SMARCC1: variants seen among roughly 807,000 people sequenced by gnomAD.
The protein encoded by SMARCC1 is SWI/SNF complex subunit SMARCC1.
Under a neutral mutation model 147.4 loss-of-function variants are expected in SMARCC1, and 43 were observed. The observed-to-expected ratio is 0.29, with a 90% CI of 0.23 to 0.38. The LOEUF (loss-of-function observed/expected upper bound fraction) is 0.38. SMARCC1 is among the 10% of genes least tolerant of loss of function. SMARCC1 has a pLI of 1.00. For missense variants in SMARCC1, 1,119 were observed against 1,381.1 expected, an observed-to-expected ratio of 0.81 and a Z score of 3.01; for synonymous variants, 495 against 484.4, an observed-to-expected ratio of 1.02 and a Z score of -0.29.
At chr3:47,616,434 A>T (rs1434354311) in intron 25 of SMARCC1, among the ~76,000 whole-genome samples, 2 of 151,818 alleles carry the variant, frequency 1.3e-5, no homozygotes, top group Non-Finnish European at 2.9e-5. Context: ...AGTTCATGAT[A>T]CCCATAACAA....
rs2032544807 is a variant in SMARCC1 at position 47,610,268 on chromosome 3, C to T, written c.2841G>A (p.Leu947=). 3 of 1,614,108 alleles carry T rather than the reference C, an allele frequency of 1.9e-6. No individual in the cohort carries two copies. Among genetic ancestry groups the T allele is most frequent in the Non-Finnish European group, 2.5e-6 (3 of 1,180,052 alleles). The change falls in exon 26 of 28, where the codon CTG becomes CTA. Residue 947 remains leucine, a synonymous_variant. Transcript: ENST00000254480. ...TERQNFHMEQ[L]KYAELRARQQ... ...GTCGTGCTCGTAATTCAGCATACTT[C>T]AGCTGTTCCATGTGGAAGTTTTGGC...
intron 3 of SMARCC1, among the ~76,000 whole-genome samples, chr3:47,741,164 C>G (rs2034505206): frequency 6.6e-6 from 1 of 151,836 alleles, no homozygotes; most frequent in South Asian, 2.1e-4. Flanking sequence ...ATGGACAATC[C>G]TACGAGACAA....
chr3:47,671,196 A>ACAAAAAAAAC (rs1553681998), intron 18 of SMARCC1, among the ~76,000 whole-genome samples: 1 of 81,144 alleles, frequency 1.2e-5, no homozygotes, highest in East Asian at 4.8e-4. Context: ...AAAAAAAAAA[A>ACAAAAAAAAC]AACACACACA....
intron 2 of SMARCC1, among the ~76,000 whole-genome samples, chr3:47,747,538 G>A (rs1358738376): frequency 7.1e-6 from 1 of 140,400 alleles, no homozygotes; most frequent in African/African-American, 2.6e-5. Flanking sequence ...TCAGGAGGCT[G>A]AGGTAGGAGG....
intron 10 of SMARCC1, among the ~76,000 whole-genome samples, chr3:47,702,949 G>A (rs566563909): frequency 6.6e-6 from 1 of 152,118 alleles, no homozygotes; most frequent in South Asian, 2.1e-4. Context: ...GGGGGTAGGA[G>A]ACAGTCTTGC....
At chr3:47,763,476 T>C (rs1433874201) in intron 2 of SMARCC1, among the ~76,000 whole-genome samples, 4 of 151,832 alleles carry the variant, frequency 2.6e-5, no homozygotes, top group African/African-American at 9.7e-5. Flanking sequence ...TTAAAATACG[T>C]CAGTATTACA....
At chr3:47,606,749 A>C (rs1289675649) in intron 26 of SMARCC1, among the ~76,000 whole-genome samples, 1 of 151,870 alleles carries the variant, frequency 6.6e-6, no homozygotes, top group Non-Finnish European at 1.5e-5. Flanking sequence ...CCCAGGCTGG[A>C]GTGTAACGGT....
chr3:47,640,270 A>G (rs1228368079), intron 21 of SMARCC1, among the ~76,000 whole-genome samples: 1 of 152,020 alleles, frequency 6.6e-6, no homozygotes, highest in Non-Finnish European at 1.5e-5. Flanking sequence ...AAAATACACT[A>G]GAGATTTAGA....
chr3:47,756,975 G>T (rs941175068), intron 2 of SMARCC1, among the ~76,000 whole-genome samples: 6 of 152,134 alleles, frequency 3.9e-5, no homozygotes, highest in Non-Finnish European at 7.4e-5. Flanking sequence ...ATTCAGCCAG[G>T]TATGGTGACT....
intron 24 of SMARCC1, among the ~76,000 whole-genome samples, chr3:47,624,763 T>C (rs905149774): frequency 6.6e-6 from 1 of 152,006 alleles, no homozygotes; most frequent in African/African-American, 2.4e-5. Context: ...CAAAAATAAA[T>C]TGAGGCTGGG....
Position 47,686,031 on chromosome 3 carries a change from T to G in SMARCC1, c.1385+18A>C. ...TACTGCTCAGTACCATGCTCACAGA[T>G]GGAAGTGGTCCACTCACCAGTTATA... On this transcript the variant is annotated intron_variant, in intron 14 of 27. Coordinates refer to ENST00000254480, the MANE Select transcript of SMARCC1 (RefSeq NM_003074.4). 3 of 1,611,726 alleles carry G rather than the reference T, an allele frequency of 1.9e-6. No individual in the cohort carries two copies. Among genetic ancestry groups the G allele is most frequent in the Non-Finnish European group, 2.5e-6 (3 of 1,178,250 alleles).
At chr3:47,594,217 A>G (rs981861420) in intron 26 of SMARCC1, among the ~76,000 whole-genome samples, 1 of 152,174 alleles carries the variant, frequency 6.6e-6, no homozygotes, top group African/African-American at 2.4e-5. Flanking sequence ...CTACTTTTTA[A>G]AGCAAAGTAC....
chr3:47,762,041 CA>C (rs2034780119), intron 2 of SMARCC1, among the ~76,000 whole-genome samples: 1 of 152,190 alleles, frequency 6.6e-6, no homozygotes, highest in Admixed American at 6.6e-5. Flanking sequence ...CTCAGCCTCC[CA>C]AAGTGCTGGG....
At chr3:47,676,863 A>C in intron 16 of SMARCC1, 81 bp from the exon 17 acceptor site, 1 of 1,252,936 alleles carries the variant, frequency 8.0e-7, no homozygotes, top group South Asian at 1.3e-5. Flanking sequence ...CCATTAAAAA[A>C]CAGAAACAAT....
chr3:47,766,514 C>T (rs912666729), intron 2 of SMARCC1, among the ~76,000 whole-genome samples: 2 of 152,022 alleles, frequency 1.3e-5, no homozygotes, highest in Admixed American at 1.3e-4. Flanking sequence ...GTCGAATATG[C>T]AGTGAGTTGA....
At chr3:47,705,923 G>A (rs1256490664) in intron 10 of SMARCC1, among the ~76,000 whole-genome samples, 3 of 152,002 alleles carry the variant, frequency 2.0e-5, no homozygotes, top group Admixed American at 2.0e-4. Flanking sequence ...AGTAGAAATC[G>A]TAATCCTCAT....
chr3:47,676,391 A>G (rs777694546), intron 17 of SMARCC1, among the ~76,000 whole-genome samples: 7 of 152,290 alleles, frequency 4.6e-5, no homozygotes, highest in Non-Finnish European at 1.0e-4. Flanking sequence ...AAGTAAATTA[A>G]TAATTTGACA....
chr3:47,643,184 A>G (rs2033071515), intron 21 of SMARCC1, among the ~76,000 whole-genome samples: 1 of 152,234 alleles, frequency 6.6e-6, no homozygotes, highest in Admixed American at 6.5e-5. Context: ...TCCTTCACGG[A>G]CAAATTCATC....
chr3:47,673,950 C>T (rs1313550394), intron 18 of SMARCC1, among the ~76,000 whole-genome samples: 1 of 152,102 alleles, frequency 6.6e-6, no homozygotes, highest in Non-Finnish European at 1.5e-5. Flanking sequence ...CTGTGCCTGG[C>T]CAGAAGATGT....
Sources: gnomAD v4.1 joint callset for allele counts (sites outside exome capture counted in the v4.1 genomes callset) on GRCh38, gnomAD v4.1.1 for gene constraint, MANE v1.5 for transcripts, NCBI Gene and HGNC (gene_info 2026-07-23, HGNC 2026-07-21) for gene names.